PTPN2: variants seen among roughly 807,000 people sequenced by gnomAD.
PTPN2 encodes protein tyrosine phosphatase non-receptor type 2, also known as tyrosine-protein phosphatase non-receptor type 2.
Under a neutral mutation model 57.3 loss-of-function variants are expected in PTPN2, and 19 were observed. The ratio of observed to expected loss-of-function variants is 0.33; its 90% confidence interval spans 0.23 to 0.49. The LOEUF is 0.49. PTPN2 is among the 20% of genes least tolerant of loss of function. The pLI is 0.99. For missense variants in PTPN2, 358 were observed against 501.1 expected (o/e 0.71, Z 2.73); for synonymous variants, 153 against 164.9 (o/e 0.93, Z 0.55).
intron 2 of PTPN2, among the ~76,000 whole-genome samples, chr18:12,853,799 G>A (rs1173921879): frequency 6.6e-6 from 1 of 152,154 alleles, no homozygotes; most frequent in Non-Finnish European, 1.5e-5. Context: ...TTAGAGAGGT[G>A]TGTAAAGGGG....
At chr18:12,840,880 T>A (rs17657106) in intron 2 of PTPN2, 27 of 1,569,226 alleles carry the variant, frequency 1.7e-5, no homozygotes, top group Non-Finnish European at 2.3e-5. Context: ...TCTGTGCCGA[T>A]GCAGTCCATG....
intron 8 of PTPN2, among the ~76,000 whole-genome samples, chr18:12,798,909 G>A (rs949424596): frequency 6.6e-6 from 1 of 151,956 alleles, no homozygotes; most frequent in Non-Finnish European, 1.5e-5. Flanking sequence ...CCACAACCTC[G>A]CCAGCATCTG....
At chr18:12,869,850 A>G (rs771488590) in intron 1 of PTPN2, among the ~76,000 whole-genome samples, 1 of 152,124 alleles carries the variant, frequency 6.6e-6, no homozygotes, top group Non-Finnish European at 1.5e-5. Context: ...TCCCTTTGTT[A>G]GTCAGATGTT....
chr18:12,799,288 G>A (rs1404001602), intron 8 of PTPN2, among the ~76,000 whole-genome samples: 12 of 151,620 alleles, frequency 7.9e-5, no homozygotes, highest in African/African-American at 2.4e-4. Context: ...GTAGTGGCGG[G>A]GGCCTGTAAT....
chr18:12,880,178 G>A (rs1435838536), intron 1 of PTPN2, among the ~76,000 whole-genome samples: 1 of 152,140 alleles, frequency 6.6e-6, no homozygotes, highest in Non-Finnish European at 1.5e-5. Context: ...AAAGAGAAGG[G>A]GGGAAAGTTG....
At chr18:12,810,845 C>T (rs1419464100) in intron 7 of PTPN2, among the ~76,000 whole-genome samples, 10 of 152,228 alleles carry the variant, frequency 6.6e-5, no homozygotes, top group East Asian at 1.9e-4. Context: ...CCTAAGAGGG[C>T]GCAAACCATG....
chr18:12,815,388 G>C (rs1290636472), intron 6 of PTPN2, among the ~76,000 whole-genome samples: 1 of 151,652 alleles, frequency 6.6e-6, no homozygotes, highest in African/African-American at 2.4e-5. Flanking sequence ...CTCCACCCTG[G>C]CAACAGAGCG....
chr18:12,849,703 A>T (rs1305524619), intron 2 of PTPN2, among the ~76,000 whole-genome samples: 1 of 152,198 alleles, frequency 6.6e-6, no homozygotes, highest in Non-Finnish European at 1.5e-5. Flanking sequence ...TAGGATTTCT[A>T]CATCTATATT....
At chr18:12,808,647 G>A (rs1178396906) in intron 7 of PTPN2, among the ~76,000 whole-genome samples, 3 of 152,248 alleles carry the variant, frequency 2.0e-5, no homozygotes, top group East Asian at 3.9e-4. Context: ...TGGGTGTGGT[G>A]GCACACGCCT....
chr18:12,838,691 AT>A (rs1167676682), intron 2 of PTPN2, among the ~76,000 whole-genome samples: 3 of 151,824 alleles, frequency 2.0e-5, no homozygotes, highest in Non-Finnish European at 4.4e-5. Flanking sequence ...TCTCAGGAAA[AT>A]TTTTTTTTAT....
At chr18:12,803,723 A>G (rs1281323423) in intron 7 of PTPN2, among the ~76,000 whole-genome samples, 2 of 152,224 alleles carry the variant, frequency 1.3e-5, no homozygotes, top group Non-Finnish European at 2.9e-5. Context: ...ACACAAATAT[A>G]TAAAGCAAGT....
chr18:12,789,884 ATATATG>A (rs1232265758), downstream of PTPN2, among the ~76,000 whole-genome samples: 4 of 150,890 alleles, frequency 2.7e-5, no homozygotes, highest in South Asian at 4.2e-4. Flanking sequence ...GTGTGTATAT[ATATATG>A]TATGTATATA....
chr18:12,859,927 C>T (rs1388013385), intron 1 of PTPN2, among the ~76,000 whole-genome samples: 1 of 151,106 alleles, frequency 6.6e-6, no homozygotes, highest in Admixed American at 6.6e-5. Flanking sequence ...CCGAGGCAGG[C>T]GGATTCCCTG....
intron 2 of PTPN2, chr18:12,841,004 T>G: frequency 7.0e-7 from 1 of 1,418,450 alleles, no homozygotes; most frequent in Non-Finnish European, 9.2e-7. Context: ...CAAACATATT[T>G]TAACCTATAG....
chr18:12,808,269 T>C (rs147990784), intron 7 of PTPN2, among the ~76,000 whole-genome samples: 86 of 152,138 alleles, frequency 5.7e-4, no homozygotes, highest in African/African-American at 2.0e-3. Context: ...TATATACTTA[T>C]ATATATTTCA....
chr18:12,866,437 A>AAAAACAAAACAAAACAAAAC (rs200227789), intron 1 of PTPN2, among the ~76,000 whole-genome samples: 2 of 148,286 alleles, frequency 1.3e-5, no homozygotes, highest in Non-Finnish European at 3.0e-5. Flanking sequence ...GACTCCTCTC[A>AAAAACAAAACAAAACAAAAC]AAAACAAAAC....
At chr18:12,849,785 A>C (rs2043332612) in intron 2 of PTPN2, among the ~76,000 whole-genome samples, 2 of 152,200 alleles carry the variant, frequency 1.3e-5, no homozygotes, top group Admixed American at 6.5e-5. Context: ...TTTGTTTATT[A>C]ATGTCTTTAA....
downstream of PTPN2, among the ~76,000 whole-genome samples, chr18:12,789,908 T>A (rs967982446): frequency 5.3e-5 from 8 of 151,854 alleles, no homozygotes; most frequent in African/African-American, 1.9e-4. Context: ...ATATGTATTA[T>A]GAGAGACAGA....
chr18:12,873,700 TGGCCGC>T (rs1181026041), intron 1 of PTPN2, among the ~76,000 whole-genome samples: 3 of 147,074 alleles, frequency 2.0e-5, no homozygotes, highest in African/African-American at 7.5e-5. Flanking sequence ...AGCCTCTGCC[TGGCCGC>T]CACCCCGTCT....
Sources: gnomAD v4.1 joint callset for allele counts (sites outside exome capture counted in the v4.1 genomes callset) on GRCh38, gnomAD v4.1.1 for gene constraint, MANE v1.5 for transcripts, NCBI Gene and HGNC (gene_info 2026-07-23, HGNC 2026-07-21) for gene names.